The following GATA4 variants were observed in gnomAD, a reference collection of about 807,000 sequenced individuals.
The protein encoded by GATA4 is transcription factor GATA-4.
GATA4 carries 7 observed loss-of-function variants against 37.9 expected under a neutral mutation model. The observed-to-expected ratio is 0.18, with a 90% CI of 0.11 to 0.35. GATA4 has a LOEUF of 0.35. GATA4 is among the 10% of genes least tolerant of loss of function. The probability of loss-of-function intolerance (pLI) is 1.00; values close to 1 mark genes in which losing one functional copy is unlikely to be tolerated. For missense variants in GATA4, 647 were observed against 653.0 expected (o/e 0.99, Z 0.10); for synonymous variants, 372 against 292.6 (o/e 1.27, Z -2.77).
intron 1 of GATA4, chr8:11,697,872 G>T (rs1029918223): frequency 1.0e-6 from 1 of 985,482 alleles, no homozygotes; most frequent in Non-Finnish European, 1.2e-6. Flanking sequence ...TTGCGGAAAC[G>T]GGCCGAGCTG....
At chr8:11,683,532 G>C (rs940825223) in intron 1 of GATA4, among the ~76,000 whole-genome samples, 3 of 152,130 alleles carry the variant, frequency 2.0e-5, no homozygotes, top group Non-Finnish European at 4.4e-5. Flanking sequence ...TATTCCTTGA[G>C]ACTAGGTAGA....
intron 1 of GATA4, among the ~76,000 whole-genome samples, chr8:11,705,237 A>G (rs531963679): frequency 6.6e-6 from 1 of 152,174 alleles, no homozygotes. Flanking sequence ...TTCCCAGAAA[A>G]GGAAGACAAC....
At chr8:11,697,773 C>T (rs1799548918) in intron 1 of GATA4, 1 of 985,332 alleles carries the variant, frequency 1.0e-6, no homozygotes, top group South Asian at 4.7e-5. Flanking sequence ...TGGGCGTCTT[C>T]TCCAACTCCG....
At chr8:11,723,408 A>G (rs575643775) in intron 2 of GATA4, among the ~76,000 whole-genome samples, 8 of 152,100 alleles carry the variant, frequency 5.3e-5, no homozygotes, top group Non-Finnish European at 8.8e-5. Context: ...ATATATCCTG[A>G]TTGATGTTCA....
At chr8:11,734,036 G>C (rs963328054) in intron 2 of GATA4, among the ~76,000 whole-genome samples, 1 of 152,226 alleles carries the variant, frequency 6.6e-6, no homozygotes, top group Non-Finnish European at 1.5e-5. Context: ...CCAACTTGCA[G>C]CTGACATGTA....
intron 1 of GATA4, among the ~76,000 whole-genome samples, chr8:11,698,990 G>T (rs1799587479): frequency 6.6e-6 from 1 of 152,136 alleles, no homozygotes; most frequent in Non-Finnish European, 1.5e-5. Context: ...GTCCCTTGAG[G>T]GGAATGTTTC....
rs188496946 is a variant in GATA4, at chr8:11,753,012, T to C, written c.913-2034T>C. Among the ~76,000 whole-genome samples, 205 of 151,976 alleles carry C rather than the reference T, an allele frequency of 1.3e-3. 1 individual carries two copies. The highest frequency in any genetic ancestry group is 4.5e-3 in the African/African-American group (188 of 41,430). The stretch of plus-strand genomic sequence containing the variant: ...TTAAAAAGATTATATTCTCAGAAAA[T>C]AAAAAAATAGAATTACCACATGATC... On this transcript the variant is annotated intron_variant, in intron 4 of 6. Transcript: ENST00000532059.
chr8:11,713,210 G>A (rs541481027), intron 2 of GATA4, among the ~76,000 whole-genome samples: 2 of 152,284 alleles, frequency 1.3e-5, no homozygotes, highest in South Asian at 4.1e-4. Flanking sequence ...AAATAAGTGT[G>A]GCCTGACTGC....
chr8:11,728,169 A>C (rs1281891283), intron 2 of GATA4, among the ~76,000 whole-genome samples: 1 of 152,040 alleles, frequency 6.6e-6, no homozygotes, highest in East Asian at 1.9e-4. Context: ...TTGTATTTTC[A>C]GTAGAGATGG....
At chr8:11,717,771 C>A (rs367768534) in intron 2 of GATA4, among the ~76,000 whole-genome samples, 1 of 152,206 alleles carries the variant, frequency 6.6e-6, no homozygotes, top group Non-Finnish European at 1.5e-5. Flanking sequence ...GGAGCAATGT[C>A]GTCCTACGGA....
At chr8:11,703,105 G>A (rs1310169348), upstream of GATA4, among the ~76,000 whole-genome samples, 1 of 151,964 alleles carries the variant, frequency 6.6e-6, no homozygotes, top group Non-Finnish European at 1.5e-5. Context: ...CGTGCAGGGT[G>A]TTATCCCGAC....
intron 2 of GATA4, among the ~76,000 whole-genome samples, chr8:11,727,882 C>T (rs752610677): frequency 2.6e-5 from 4 of 151,978 alleles, no homozygotes; most frequent in Non-Finnish European, 4.4e-5. Context: ...ACCCAGTTTT[C>T]ATGCCCATAA....
chr8:11,717,400 G>T (rs1303989095), intron 2 of GATA4, among the ~76,000 whole-genome samples: 1 of 152,192 alleles, frequency 6.6e-6, no homozygotes, highest in Non-Finnish European at 1.5e-5. Context: ...ATCATCTGAT[G>T]CCAGGGACTT....
intron 2 of GATA4, among the ~76,000 whole-genome samples, chr8:11,742,763 G>C (rs921524139): frequency 6.6e-6 from 1 of 152,254 alleles, no homozygotes; most frequent in Non-Finnish European, 1.5e-5. Context: ...GCTTTGTTTG[G>C]GCCTCGTGCC....
In GATA4 at chr8:11,708,684, C is replaced by A. The variant is rs1157815845; in HGVS notation, c.372C>A (p.Ala124=). 1 of 1,279,700 alleles carries A rather than the reference C, an allele frequency of 7.8e-7. No homozygotes were observed. Among genetic ancestry groups the A allele is most frequent in the African/African-American group, 1.6e-5 (1 of 64,260 alleles). 79.3% of individuals were successfully genotyped at this position (1,279,700 alleles called of 1,614,324 possible). A position where few individuals can be genotyped will look rare whatever the true frequency, so the allele number is the denominator to read the frequency against. The change falls in exon 2 of 7, where the codon GCC becomes GCA. Residue 124 remains alanine, a synonymous_variant. Transcript: ENST00000532059. This position sits in a 1 kb window ranked among gnomAD's most constrained non-coding sequence, Gnocchi z 6.7. ...TGSLAAAAAA[A]AAREAAAYSS... is the part of the protein sequence containing the mutation. ...CCCTGGCGGCCGCCGCCGCCGCTGC[C>A]GCGGCCCGGGAAGCTGCGGCCTACA...
chr8:11,677,051 C>G (rs568508532), exon 1 of GATA4: 1 of 152,724 alleles, frequency 6.5e-6, no homozygotes, highest in African/African-American at 2.4e-5. Flanking sequence ...AGGGACGCCG[C>G]TCCCCACCGC....
chr8:11,709,076 C>G lies in GATA4; in HGVS notation c.616+148C>G, dbSNP rs1317236737. 6 of 872,376 alleles carry G rather than the reference C, an allele frequency of 6.9e-6. No homozygotes were observed. Among genetic ancestry groups the G allele is most frequent in the Non-Finnish European group, 9.7e-6 (6 of 617,128 alleles). The allele number at this position is 872,376 out of a possible 1,614,324, so 54.0% of individuals were successfully genotyped here. ...CTCGAGTTTCTAGGGAAGGCAGAAG[C>G]CAGTGCGGGGCTGGCGACATCACAG... On this transcript the variant is annotated intron_variant, in intron 2 of 6. Transcript: ENST00000532059. The surrounding 1 kb of genome is among the most constrained non-coding windows in gnomAD (Gnocchi z 4.3).
chr8:11,688,110 C>T (rs1382590320), upstream of GATA4, among the ~76,000 whole-genome samples: 3 of 152,196 alleles, frequency 2.0e-5, no homozygotes, highest in Admixed American at 2.0e-4. Context: ...AATTATTCAT[C>T]TCTCATTTAT....
At chr8:11,739,422 T>TCGTGTGCGGAGGAGTTTCTGTCGTG (rs1801613780) in intron 2 of GATA4, among the ~76,000 whole-genome samples, 1 of 152,008 alleles carries the variant, frequency 6.6e-6, no homozygotes, top group African/African-American at 2.4e-5. Context: ...ATTAGAGCAG[T>TCGTGTGCGGAGGAGTTTCTGTCGTG]TTTATTGCTA....
Sources: allele counts gnomAD v4.1 joint callset (sites outside exome capture counted in the v4.1 genomes callset), GRCh38; gene constraint gnomAD v4.1.1; non-coding constraint Gnocchi (gnomAD v3.1); transcripts MANE v1.5; gene names NCBI Gene and HGNC (gene_info 2026-07-23, HGNC 2026-07-21).